Variants in KLK15 observed in about 807,000 individuals in gnomAD.
The protein encoded by KLK15 is kallikrein-15.
A neutral mutation model predicts 21.1 loss-of-function variants in KLK15; 19 were observed. The ratio of observed to expected loss-of-function variants is 0.90; its 90% confidence interval spans 0.63 to 1.32. The LOEUF (loss-of-function observed/expected upper bound fraction) is 1.32, where lower values mean the gene tolerates loss of function less well. Among genes scored for constraint, KLK15 ranks in the 40% most tolerant of loss-of-function variants. The pLI is 0.00. For missense variants in KLK15, 345 were observed against 348.6 expected, an observed-to-expected ratio of 0.99 and a Z score of 0.08; for synonymous variants, 141 against 141.5, an observed-to-expected ratio of 1.00 and a Z score of 0.03.
intron 1 of KLK15, among the ~76,000 whole-genome samples, chr19:50,828,138 G>T (rs1444232849): frequency 6.6e-6 from 1 of 151,280 alleles, no homozygotes; most frequent in African/African-American, 2.4e-5. Flanking sequence ...TAGAGACGAG[G>T]TCTCACCATG....
At chr19:50,827,002 G>T (rs755918868) in exon 3 of KLK15, 2 of 1,605,836 alleles carry the variant, frequency 1.2e-6, no homozygotes, top group Non-Finnish European at 1.7e-6. Flanking sequence ...GCACCTGGGG[G>T]TTCAGGCGTG....
chr19:50,831,936 C>T (rs1000290070), upstream of KLK15, among the ~76,000 whole-genome samples: 5 of 152,218 alleles, frequency 3.3e-5, no homozygotes, highest in East Asian at 5.8e-4. Flanking sequence ...CTCAGCCTCC[C>T]GAGTAGCTGG....
chr19:50,831,717 G>A (rs545861478), upstream of KLK15, among the ~76,000 whole-genome samples: 38 of 152,072 alleles, frequency 2.5e-4, no homozygotes, highest in African/African-American at 8.9e-4. Context: ...CTAGGCACTC[G>A]GACAGACCCT....
upstream of KLK15, among the ~76,000 whole-genome samples, chr19:50,833,519 G>A (rs1290319158): frequency 6.6e-6 from 1 of 152,148 alleles, no homozygotes; most frequent in Non-Finnish European, 1.5e-5. Context: ...TTGTCTCAAA[G>A]CTCTCACCTC....
At chr19:50,832,308 C>T (rs1179234818), upstream of KLK15, among the ~76,000 whole-genome samples, 4 of 137,976 alleles carry the variant, frequency 2.9e-5, no homozygotes, top group East Asian at 4.3e-4. Context: ...AATTCACTTT[C>T]TTTCTTTTTT....
chr19:50,832,261 G>A (rs2090001406), upstream of KLK15, among the ~76,000 whole-genome samples: 1 of 150,974 alleles, frequency 6.6e-6, no homozygotes, highest in African/African-American at 2.4e-5. Flanking sequence ...ACCCTCCATG[G>A]ATCCTTGGCA....
upstream of KLK15, chr19:50,831,584 T>G (rs2089986525): frequency 1.9e-6 from 2 of 1,038,192 alleles, no homozygotes; most frequent in Non-Finnish European, 2.7e-6. Flanking sequence ...CCAGGATCCC[T>G]CCAGACACAG....
chr19:50,827,021 A>G (rs1186972890), exon 3 of KLK15: 2 of 1,606,026 alleles, frequency 1.2e-6, no homozygotes, highest in Non-Finnish European at 8.5e-7. Flanking sequence ...TGCGGGCTGG[A>G]CTAGGCGCAG....
At chr19:50,827,739 G>A in exon 2 of KLK15, 2 of 1,611,214 alleles carry the variant, frequency 1.2e-6, no homozygotes, top group East Asian at 2.2e-5. Flanking sequence ...GTCCACGCTC[G>A]TAGAGAGCCA....
At chr19:50,829,521 T>G (rs1447712212) in intron 1 of KLK15, among the ~76,000 whole-genome samples, 1 of 151,840 alleles carries the variant, frequency 6.6e-6, no homozygotes, top group Non-Finnish European at 1.5e-5. Context: ...CCAGGTGTGG[T>G]GGCTCACGCC....
intron 4 of KLK15, 167 bp from the exon 6 acceptor site, chr19:50,826,115 A>T: frequency 3.3e-6 from 2 of 602,010 alleles, no homozygotes; most frequent in East Asian, 5.7e-5. Flanking sequence ...AGCCAACCCA[A>T]CCCCAACCCC....
chr19:50,826,566 C>A, intron 4 of KLK15, 55 bp downstream of exon 5: 1 of 1,523,802 alleles, frequency 6.6e-7, no homozygotes. Flanking sequence ...CATCCGGACT[C>A]CCACACCTGT....
intron 1 of KLK15, chr19:50,830,529 G>A (rs1274192781): frequency 2.0e-5 from 3 of 148,712 alleles, no homozygotes; most frequent in African/African-American, 4.9e-5. Context: ...GGAAGGTGGA[G>A]GCCCCAGCTG....
In KLK15 at chr19:50,827,184, C is replaced by T. The variant is rs752466688; in HGVS notation, c.198-23G>A. Reference sequence around the variant, plus strand: ...AAGCTGTGCGGGCGAGTGGTTTTCCCGCCAGTGGAGTGCGGGCCAGTGGTT... The same window carrying T: ...AAGCTGTGCGGGCGAGTGGTTTTCCTGCCAGTGGAGTGCGGGCCAGTGGTT... On this transcript the variant is annotated intron_variant, in intron 2 of 4. Coordinates refer to ENST00000598239, the Ensembl canonical transcript of KLK15. 7.7e-6 allele frequency: 12 copies of T among 1,557,140 alleles called. No homozygotes were observed. In the South Asian group the frequency reaches 1.4e-4, roughly 19 times the overall value.
chr19:50,828,125 T>C (rs2089918313), intron 1 of KLK15, among the ~76,000 whole-genome samples: 1 of 151,426 alleles, frequency 6.6e-6, no homozygotes, highest in African/African-American at 2.4e-5. Context: ...TTTGTATTTT[T>C]AGTAGAGACG....
intron 1 of KLK15, among the ~76,000 whole-genome samples, chr19:50,829,421 A>G (rs2089943569): frequency 6.6e-6 from 1 of 151,742 alleles, no homozygotes; most frequent in Non-Finnish European, 1.5e-5. Context: ...TCACAGGGAC[A>G]TACGTGTGAA....
rs576458687 is a variant in KLK15, at chr19:50,829,357, C to T, written c.44-1542G>A. 9.4e-4 allele frequency among the ~76,000 whole-genome samples: 142 copies of T among 151,676 alleles called. 4 individuals are homozygous for T. Among genetic ancestry groups the T allele is most frequent in the Admixed American group, 1.7e-3 (26 of 15,146 alleles). On this transcript the variant is annotated intron_variant, in intron 1 of 4. Coordinates refer to ENST00000598239, the Ensembl canonical transcript of KLK15. ...TATGTATGGTGAGTGATACCTAGCC[C>T]TGGTAGCTACTTAATAATATTAGTT...
At chr19:50,827,146 G>T in exon 3 of KLK15, 2 of 1,591,382 alleles carry the variant, frequency 1.3e-6, no homozygotes, top group Non-Finnish European at 1.7e-6. Flanking sequence ...GCTCTCCCAG[G>T]CGCACTCTCA....
chr19:50,827,023 T>G (rs1424568301), exon 3 of KLK15: 1 of 1,605,972 alleles, frequency 6.2e-7, no homozygotes, highest in African/African-American at 1.3e-5. Flanking sequence ...CGGGCTGGAC[T>G]AGGCGCAGCA....
Sources: allele counts gnomAD v4.1 joint callset (sites outside exome capture counted in the v4.1 genomes callset), GRCh38; gene constraint gnomAD v4.1.1; transcripts MANE v1.5; gene names NCBI Gene and HGNC (gene_info 2026-07-23, HGNC 2026-07-21).